The following SYPL1 variants were observed in gnomAD, a reference collection of about 807,000 sequenced individuals.
SYPL1 encodes the protein synaptophysin-like protein 1.
A neutral mutation model predicts 23.7 loss-of-function variants in SYPL1; 6 were observed. The observed-to-expected ratio is 0.25, with a 90% CI of 0.14 to 0.50. The LOEUF (loss-of-function observed/expected upper bound fraction) is 0.50. Ranked by LOEUF, SYPL1 falls within the 20% of genes least tolerant of loss-of-function variation. The pLI is 0.98. For synonymous variants in SYPL1, 102 were observed against 104.5 expected (o/e 0.98, Z 0.15); for missense variants, 253 against 288.9 (o/e 0.88, Z 0.90).
upstream of SYPL1, chr7:106,112,558 G>T (rs754420564): frequency 6.7e-7 from 1 of 1,494,588 alleles, no homozygotes; most frequent in Non-Finnish European, 8.9e-7. Flanking sequence ...CCTTCCCTGC[G>T]GTTCAGCCCC....
At position 106,112,259 on chromosome 7, in the gene SYPL1, G is replaced by T. The variant is rs6962415; in HGVS notation, c.-51C>A. 16 of 1,507,256 alleles carry T rather than the reference G, an allele frequency of 1.1e-5. No individual in the cohort carries two copies. The highest frequency in any genetic ancestry group is 1.3e-5 in the Non-Finnish European group (14 of 1,117,526). 93.4% of individuals were successfully genotyped at this position (1,507,256 alleles called of 1,614,324 possible). Reference sequence around the variant, plus strand: ...GTCAGGACGACGGGGCGGAGGAGGGGACCGACGAGACCAGAGCAGCCCGGT... The same window carrying T: ...GTCAGGACGACGGGGCGGAGGAGGGTACCGACGAGACCAGAGCAGCCCGGT... On this transcript the variant is annotated 5_prime_UTR_variant, in exon 1 of 5. Transcript: ENST00000455385.
upstream of SYPL1, chr7:106,112,535 G>T: frequency 6.6e-7 from 1 of 1,511,268 alleles, no homozygotes; most frequent in Non-Finnish European, 8.8e-7. Flanking sequence ...GCCATACTGC[G>T]TGCGCCGCGC....
intron 1 of SYPL1, among the ~76,000 whole-genome samples, chr7:106,105,953 G>T (rs1288888100): frequency 1.3e-5 from 2 of 152,074 alleles, no homozygotes; most frequent in African/African-American, 4.8e-5. Flanking sequence ...GAAATAGATT[G>T]GTAACACACA....
rs1839674212 is a variant in SYPL1 at position 106,090,505 on chromosome 7, T to C, written c.*1300A>G. ...TGTAATATTAACAATCAGTGCACTC[T>C]TTCTTTCAACTCCTTTATTAAATTG... is the stretch of plus-strand genomic sequence containing the variant. On this transcript the variant is annotated 3_prime_UTR_variant, in exon 5 of 5. Transcript: ENST00000455385. The C allele has an allele frequency of 6.5e-6, 1 of 152,810 alleles. No individual in the cohort carries two copies. Among genetic ancestry groups the C allele is most frequent in the African/African-American group, 2.4e-5 (1 of 41,596 alleles). The allele number at this position is 152,810 out of a possible 1,614,324, so 9.5% of individuals were successfully genotyped here.
chr7:106,102,082 T>C (rs140788755), intron 1 of SYPL1, among the ~76,000 whole-genome samples: 1 of 147,822 alleles, frequency 6.8e-6, no homozygotes, highest in Non-Finnish European at 1.5e-5. Flanking sequence ...GACTCAGTTA[T>C]AAAAAGATTA....
intron 1 of SYPL1, chr7:106,111,913 A>C (rs1790172999): frequency 3.0e-6 from 1 of 328,572 alleles, no homozygotes; most frequent in Admixed American, 5.6e-5. Context: ...CTCCCCTGGG[A>C]GCCAGGCGGC....
In SYPL1 at chr7:106,104,322, T is replaced by C. The variant is rs1040997986; in HGVS notation, c.70-5040A>G. Among the ~76,000 whole-genome samples the C allele has an allele frequency of 5.9e-5, 9 of 152,208 alleles. No individual in the cohort carries two copies. Among genetic ancestry groups the C allele is most frequent in the East Asian group, 3.8e-4 (2 of 5,206 alleles). On this transcript the variant is annotated intron_variant, in intron 1 of 4. Transcript: ENST00000455385. The surrounding 1 kb of genome is among the most constrained non-coding windows in gnomAD (Gnocchi z 4.1). Reference sequence around the variant, plus strand: ...ACTTTGGGAGGCCGTGGCAGGAGGATTGTTTGAGCCCAGAAGTTCAATACC... The same window carrying C: ...ACTTTGGGAGGCCGTGGCAGGAGGACTGTTTGAGCCCAGAAGTTCAATACC...
intron 1 of SYPL1, among the ~76,000 whole-genome samples, chr7:106,102,370 A>AATCC (rs1840371975): frequency 6.6e-6 from 1 of 152,212 alleles, no homozygotes; most frequent in Non-Finnish European, 1.5e-5. Context: ...TGCTGGGATT[A>AATCC]CAGGCTTGAA....
chr7:106,112,484 C>A, upstream of SYPL1: 1 of 1,520,186 alleles, frequency 6.6e-7, no homozygotes, highest in Non-Finnish European at 8.8e-7. Context: ...CGCACCTGGC[C>A]GAGTCGACTG....
At chr7:106,108,883 G>A (rs562861115) in intron 1 of SYPL1, among the ~76,000 whole-genome samples, 26 of 152,270 alleles carry the variant, frequency 1.7e-4, no homozygotes, top group African/African-American at 4.8e-4. Flanking sequence ...TTTTCCTAAC[G>A]ATACTAAGAC....
upstream of SYPL1, chr7:106,112,525 G>C: frequency 6.6e-7 from 1 of 1,517,764 alleles, no homozygotes; most frequent in Non-Finnish European, 8.8e-7. Flanking sequence ...GATGTTGGGC[G>C]CCATACTGCG....
chr7:106,099,763 A>C (rs1048705668), intron 1 of SYPL1, among the ~76,000 whole-genome samples: 3 of 152,152 alleles, frequency 2.0e-5, no homozygotes, highest in African/African-American at 7.2e-5. Flanking sequence ...GCACAATCAT[A>C]GCTTACTGCA....
rs1443133999 is a variant in SYPL1, at chr7:106,096,992, A to T, written c.402+698T>A. Among the ~76,000 whole-genome samples the T allele has an allele frequency of 1.3e-5, 2 of 149,296 alleles. No homozygotes were observed. Among genetic ancestry groups the T allele is most frequent in the Non-Finnish European group, 2.9e-5 (2 of 68,034 alleles). On this transcript the variant is annotated intron_variant, in intron 3 of 4. Coordinates refer to ENST00000455385, the MANE Select transcript of SYPL1 (RefSeq NM_182715.4). This position sits in a 1 kb window ranked among gnomAD's most constrained non-coding sequence, Gnocchi z 4.4. ...CACTTTGGGAGGCCAAGGCAGGCAG[A>T]TCACTTGAGCCCAGGAGTTTGAGAC...
chr7:106,097,570 AAC>A lies in SYPL1; in HGVS notation c.402+118_402+119del. 1 of 900,206 alleles carries A rather than the reference AAC, an allele frequency of 1.1e-6. No individual in the cohort carries two copies. The highest frequency in any genetic ancestry group is 1.6e-6 in the Non-Finnish European group (1 of 631,960). 55.8% of individuals were successfully genotyped at this position (900,206 alleles called of 1,614,324 possible). On this transcript the variant is annotated intron_variant, in intron 3 of 4. Coordinates refer to ENST00000455385, the MANE Select transcript of SYPL1 (RefSeq NM_182715.4). The surrounding 1 kb of genome is among the most constrained non-coding windows in gnomAD (Gnocchi z 4.6). Reference sequence around the variant, plus strand: ...TGGGAGAAAGCTCAACCTCGTGGCAAACACAGGCTAAAATATGCTGAACTGGC... The same window carrying A: ...TGGGAGAAAGCTCAACCTCGTGGCAAACAGGCTAAAATATGCTGAACTGGC...
In SYPL1 at chr7:106,099,248, C is replaced by A. The variant is rs1295522934; in HGVS notation, c.104G>T (p.Gly35Val). 6.2e-7 allele frequency: 1 copy of A among 1,613,658 alleles called. No individual in the cohort carries two copies. Among genetic ancestry groups the A allele is most frequent in the Non-Finnish European group, 8.5e-7 (1 of 1,179,962 alleles). The change falls in exon 2 of 5, where the codon GGT (glycine) becomes GTT (valine). Residue 35 changes from glycine (G) to valine (V), a missense_variant. By Grantham distance (109) the Gly-to-Val change is moderately radical. Coordinates refer to ENST00000455385, the MANE Select transcript of SYPL1 (RefSeq NM_182715.4). ...TTGAATTTCTGTTTGGCCCTTAAAA[C>A]CTCCACAGGTGGCAAAAGCAAAGAT... ...ASIFAFATCG[G>V]FKGQTEIQVN... is the part of the protein sequence containing the mutation.
At chr7:106,101,411 T>A (rs1245791996) in intron 1 of SYPL1, among the ~76,000 whole-genome samples, 1 of 126,118 alleles carries the variant, frequency 7.9e-6, no homozygotes, top group African/African-American at 3.1e-5. Flanking sequence ...ATTATAGTAA[T>A]TGTCAAGGGT....
intron 4 of SYPL1, 101 bp downstream of exon 4, chr7:106,092,847 TA>T: frequency 9.4e-7 from 1 of 1,061,362 alleles, no homozygotes; most frequent in Non-Finnish European, 1.3e-6. Context: ...TGAGTAAAAA[TA>T]AAAACCATCC....
At chr7:106,107,549 TGGTGAAACCA>T (rs1024256165) in intron 1 of SYPL1, among the ~76,000 whole-genome samples, 5 of 152,072 alleles carry the variant, frequency 3.3e-5, no homozygotes, top group African/African-American at 1.2e-4. Flanking sequence ...GAGACCAGCC[TGGTGAAACCA>T]GGTGAAACCC....
intron 1 of SYPL1, among the ~76,000 whole-genome samples, chr7:106,111,522 C>T (rs1347525848): frequency 2.0e-5 from 3 of 152,332 alleles, no homozygotes; most frequent in East Asian, 1.9e-4. Flanking sequence ...ACTCGATGTC[C>T]ATTCCTAACG....
Sources: allele counts gnomAD v4.1 joint callset (sites outside exome capture counted in the v4.1 genomes callset), GRCh38; gene constraint gnomAD v4.1.1; non-coding constraint Gnocchi (gnomAD v3.1); transcripts MANE v1.5; gene names NCBI Gene and HGNC (gene_info 2026-07-23, HGNC 2026-07-21).